The following CACNA2D1 variants were observed in gnomAD, a reference collection of about 807,000 sequenced individuals.
CACNA2D1 encodes calcium voltage-gated channel auxiliary subunit alpha2delta 1, also known as voltage-dependent calcium channel subunit alpha-2/delta-1.
A neutral mutation model predicts 171.5 loss-of-function variants in CACNA2D1; 53 were observed. The ratio of observed to expected loss-of-function variants is 0.31; its 90% CI spans 0.25 to 0.39. CACNA2D1 has a LOEUF of 0.39. Ranked by LOEUF, CACNA2D1 falls within the 10% of genes least tolerant of loss-of-function variation. The probability of loss-of-function intolerance (pLI) is 1.00; values close to 1 mark genes in which losing one functional copy is unlikely to be tolerated. For synonymous variants in CACNA2D1, 442 were observed against 443.1 expected (o/e 1.00, Z 0.03); for missense variants, 903 against 1,299.8 (o/e 0.69, Z 4.69).
intron 28 of CACNA2D1, among the ~76,000 whole-genome samples, chr7:81,969,556 C>CAT (rs1795052796): frequency 6.6e-6 from 1 of 151,046 alleles, no homozygotes; most frequent in South Asian, 2.1e-4. Context: ...AATGGAATTA[C>CAT]TCTATTTAAT....
intron 3 of CACNA2D1, among the ~76,000 whole-genome samples, chr7:82,273,430 T>C (rs1008071305): frequency 2.0e-5 from 3 of 151,354 alleles, no homozygotes; most frequent in Non-Finnish European, 2.9e-5. Flanking sequence ...GATTCTATTT[T>C]ATATATTATT....
At chr7:82,116,744 A>G (rs1268182199) in intron 6 of CACNA2D1, among the ~76,000 whole-genome samples, 3 of 152,214 alleles carry the variant, frequency 2.0e-5, no homozygotes, top group Non-Finnish European at 4.4e-5. Context: ...ATATATCTAT[A>G]TACTTTGTAA....
chr7:81,957,246 A>C (rs1185111584), intron 38 of CACNA2D1, among the ~76,000 whole-genome samples: 1 of 152,108 alleles, frequency 6.6e-6, no homozygotes, highest in Non-Finnish European at 1.5e-5. Flanking sequence ...CTTTATGAAA[A>C]ATGATTTTTA....
intron 10 of CACNA2D1, among the ~76,000 whole-genome samples, chr7:82,048,896 C>G (rs1221351313): frequency 3.3e-5 from 5 of 152,004 alleles, no homozygotes; most frequent in African/African-American, 4.8e-5. Flanking sequence ...AAGTCAATAA[C>G]TTTTATAATT....
intron 3 of CACNA2D1, among the ~76,000 whole-genome samples, chr7:82,191,828 T>C (rs546520693): frequency 6.6e-6 from 1 of 151,832 alleles, no homozygotes; most frequent in Non-Finnish European, 1.5e-5. Flanking sequence ...ATTATTTTAT[T>C]AATGAATATA....
intron 5 of CACNA2D1, among the ~76,000 whole-genome samples, chr7:82,134,381 T>A (rs1448418051): frequency 6.6e-6 from 1 of 152,166 alleles, no homozygotes; most frequent in Non-Finnish European, 1.5e-5. Context: ...TTAATAGGTG[T>A]TAAAGCCCTA....
rs530618615 is a variant in CACNA2D1 at position 82,055,956 on chromosome 7, A to G, written c.879+4472T>C. Among the ~76,000 whole-genome samples the G allele has an allele frequency of 5.6e-4, 80 of 143,632 alleles. No individual in the cohort carries two copies. In the East Asian group the frequency reaches 7.7e-3, roughly 14 times the overall value. 94.2% of individuals were successfully genotyped at this position (143,632 alleles called of 152,430 possible). A position where few individuals can be genotyped will look rare whatever the true frequency, so the allele number is the denominator to read the frequency against. ...TATATATATATATATATAATTTTTT[A>G]AAAAAAGGAAAGAATCCCAAAAGGT... On this transcript the variant is annotated intron_variant, in intron 10 of 38. Coordinates refer to ENST00000356860, the MANE Select transcript of CACNA2D1 (RefSeq NM_000722.4).
chr7:82,197,494 T>A (rs1056483768), intron 3 of CACNA2D1, among the ~76,000 whole-genome samples: 8 of 152,114 alleles, frequency 5.3e-5, no homozygotes, highest in African/African-American at 1.9e-4. Context: ...GACAGGCATA[T>A]AATTTTCTAG....
chr7:82,284,754 C>A (rs1483442456), intron 3 of CACNA2D1, among the ~76,000 whole-genome samples: 1 of 152,132 alleles, frequency 6.6e-6, no homozygotes, highest in Non-Finnish European at 1.5e-5. Context: ...AATACCATCA[C>A]CTTGAGGGTT....
chr7:82,045,842 G>A (rs945379442), intron 10 of CACNA2D1, among the ~76,000 whole-genome samples: 1 of 152,110 alleles, frequency 6.6e-6, no homozygotes, highest in Non-Finnish European at 1.5e-5. Context: ...GAAATGAGGT[G>A]TACGATGTTA....
chr7:82,367,613 T>C (rs1168626738), intron 1 of CACNA2D1, among the ~76,000 whole-genome samples: 1 of 152,218 alleles, frequency 6.6e-6, no homozygotes, highest in East Asian at 1.9e-4. Flanking sequence ...AGAGAAAGTG[T>C]TTTTCACCAG....
rs565121488 is a variant in CACNA2D1, at chr7:82,150,257, T to TAAAAAAAAAAAA, written c.355-13593_355-13582dup. On this transcript the variant is annotated intron_variant, in intron 4 of 38. Transcript: ENST00000356860. ...CTAACTGCTTTGCTTTAGATCAAATTAAAAAAAAAAAACAAAAACAACAAC... is the reference window on the plus strand; with the variant it reads ...CTAACTGCTTTGCTTTAGATCAAATTAAAAAAAAAAAAAAAAAAAAAAAACAAAAACAACAAC... Among the ~76,000 whole-genome samples, 40 of 92,838 alleles carry TAAAAAAAAAAAA rather than the reference T, an allele frequency of 4.3e-4. 3 individuals are homozygous for TAAAAAAAAAAAA. Among genetic ancestry groups the TAAAAAAAAAAAA allele is most frequent in the Admixed American group, 7.5e-4 (6 of 8,016 alleles). 60.9% of individuals were successfully genotyped at this position (92,838 alleles called of 152,430 possible). A position where few individuals can be genotyped will look rare whatever the true frequency, so the allele number is the denominator to read the frequency against.
In CACNA2D1 at chr7:81,969,672, G is replaced by A. The variant is rs75520100; in HGVS notation, c.2308+209C>T. Among the ~76,000 whole-genome samples the A allele has an allele frequency of 0.079, 11,928 of 151,026 alleles. 536 individuals carry two copies. The highest frequency in any genetic ancestry group is 0.21 in the Middle Eastern group (60 of 292). On this transcript the variant is annotated intron_variant, in intron 28 of 38. Transcript: ENST00000356860. ...ACAGATATGCTATCTCTAAATTACTGGAAGACTGTTTGCTGTGTATGCATT... is the reference window on the plus strand; with the variant it reads ...ACAGATATGCTATCTCTAAATTACTAGAAGACTGTTTGCTGTGTATGCATT...
At chr7:82,014,531 A>G (rs780845757) in intron 12 of CACNA2D1, 52 bp from the exon 13 acceptor site, 2 of 962,258 alleles carry the variant, frequency 2.1e-6, no homozygotes, top group South Asian at 2.6e-5. Flanking sequence ...ATTTAATTCA[A>G]TGGCAAAATA....
Position 82,066,513 on chromosome 7 carries a change from C to T in CACNA2D1, c.670G>A (p.Val224Ile), listed in dbSNP as rs1807631843. 3 of 1,591,742 alleles carry T rather than the reference C, an allele frequency of 1.9e-6. No homozygotes were observed. The highest frequency in any genetic ancestry group is 1.4e-5 in the African/African-American group (1 of 70,056). ...LARYYPASPW[V>I]DNSRTPNKID... The stretch of plus-strand genomic sequence containing the variant: ...TTATTTGGAGTTCTACTATTATCAA[C>T]CCATGGTGAAGCTAAAAAAAAAAAA... The change falls in exon 8 of 39, where the codon GTT becomes ATT. Residue 224 changes from valine (V) to isoleucine (I), a missense_variant. Val to Ile is a conservative substitution (Grantham distance 29). Around this residue, in one of 5 missense-constraint regions of CACNA2D1, gnomAD observed 189 missense variants for 266.8 expected, o/e 0.71. Coordinates refer to ENST00000356860, the MANE Select transcript of CACNA2D1 (RefSeq NM_000722.4).
chr7:82,257,552 C>T (rs1806454936), intron 3 of CACNA2D1, among the ~76,000 whole-genome samples: 1 of 152,116 alleles, frequency 6.6e-6, no homozygotes, highest in Non-Finnish European at 1.5e-5. Flanking sequence ...AATGAGATCA[C>T]AATAAAGAAA....
intron 18 of CACNA2D1, 137 bp from the exon 19 acceptor site, chr7:81,997,387 A>G: frequency 6.3e-6 from 3 of 473,760 alleles, no homozygotes; most frequent in Non-Finnish European, 1.1e-5. Flanking sequence ...ATCTTCTTTC[A>G]TATATATTTT....
intron 4 of CACNA2D1, among the ~76,000 whole-genome samples, chr7:82,164,816 TTTTTC>T (rs10542840): frequency 0.14 from 19,396 of 138,548 alleles, 1,433 homozygotes; most frequent in African/African-American, 0.23. Flanking sequence ...CTTATGTATT[TTTTTC>T]TTAATTTTTT....
chr7:82,132,804 T>C (rs898288647), intron 5 of CACNA2D1, among the ~76,000 whole-genome samples: 1 of 152,206 alleles, frequency 6.6e-6, no homozygotes, highest in East Asian at 1.9e-4. Flanking sequence ...TACTAATCAA[T>C]ACAACATAAT....
Sources: gnomAD v4.1 joint callset for allele counts (sites outside exome capture counted in the v4.1 genomes callset) on GRCh38, gnomAD v4.1.1 for gene constraint, gnomAD v4.1.1 regional missense constraint, MANE v1.5 for transcripts, NCBI Gene and HGNC (gene_info 2026-07-23, HGNC 2026-07-21) for gene names.